ATL3: variants seen among roughly 807,000 people sequenced by gnomAD.
ATL3 encodes atlastin GTPase 3, also known as atlastin-3.
Under a neutral mutation model 69.5 loss-of-function variants are expected in ATL3, and 49 were observed. That is an observed-to-expected ratio of 0.71 (90% CI 0.56 to 0.89). The LOEUF is 0.89. Among genes scored for constraint, ATL3 ranks in the 40% least tolerant of loss-of-function variants. The pLI, the probability that ATL3 is intolerant of heterozygous loss-of-function variation, is 0.00. For missense variants in ATL3, 606 were observed against 645.7 expected (o/e 0.94, Z 0.67); for synonymous variants, 214 against 224.1 (o/e 0.95, Z 0.40).
chr11:63,657,037 C>T (rs1320394200), intron 3 of ATL3, among the ~76,000 whole-genome samples: 1 of 151,792 alleles, frequency 6.6e-6, no homozygotes, highest in Non-Finnish European at 1.5e-5. Flanking sequence ...TTGTGAAACC[C>T]TGTCTCTACT....
chr11:63,639,536 T>C (rs1307026215), intron 8 of ATL3, among the ~76,000 whole-genome samples: 1 of 152,100 alleles, frequency 6.6e-6, no homozygotes, highest in East Asian at 1.9e-4. Context: ...GGAGGATCAC[T>C]TGAGGTCAGG....
At chr11:63,671,446 G>C (rs1283907543), upstream of ATL3, 1 of 1,489,548 alleles carries the variant, frequency 6.7e-7, no homozygotes, top group Non-Finnish European at 8.9e-7. Flanking sequence ...CTGGGCTCTA[G>C]AAAAAACTAG....
At chr11:63,652,158 G>A (rs1428385536) in intron 4 of ATL3, among the ~76,000 whole-genome samples, 172 bp from the exon 5 acceptor site, 2 of 152,124 alleles carry the variant, frequency 1.3e-5, no homozygotes, top group Admixed American at 1.3e-4. Flanking sequence ...ACATAAGATT[G>A]AAATCAAAAA....
chr11:63,644,223 A>G lies in ATL3; in HGVS notation c.657T>C (p.Tyr219=), dbSNP rs759658261. Residue 219 remains tyrosine, a synonymous_variant, in exon 7 of 13, where the codon TAT becomes TAC. Coordinates refer to ENST00000398868, the MANE Select transcript of ATL3 (RefSeq NM_015459.5). Reference sequence around the variant, plus strand: ...CTCCTTGGAGTCCATAGCTATATTCATAAGGGAAACTCCAATCTCTAACCA... The same window carrying G: ...CTCCTTGGAGTCCATAGCTATATTCGTAAGGGAAACTCCAATCTCTAACCA... ...MFLVRDWSFP[Y]EYSYGLQGGM... The G allele has an allele frequency of 1.6e-5, 25 of 1,611,798 alleles. No homozygotes were observed. Among genetic ancestry groups the G allele is most frequent in the Non-Finnish European group, 2.0e-5 (24 of 1,179,018 alleles).
intron 1 of ATL3, among the ~76,000 whole-genome samples, chr11:63,661,682 G>A (rs1316706486): frequency 2.0e-5 from 3 of 151,900 alleles, no homozygotes; most frequent in African/African-American, 7.3e-5. Flanking sequence ...CTGAGGTTGT[G>A]AGTTCCAGAC....
At chr11:63,650,628 T>A (rs1940043973) in intron 5 of ATL3, 1 of 152,208 alleles carries the variant, frequency 6.6e-6, no homozygotes, top group Admixed American at 6.5e-5. Context: ...ATAATCTACT[T>A]ACTACTTCTT....
chr11:63,670,971 C>A (rs1202169343), intron 1 of ATL3, among the ~76,000 whole-genome samples: 1 of 152,132 alleles, frequency 6.6e-6, no homozygotes, highest in Non-Finnish European at 1.5e-5. Flanking sequence ...CGGGGACCAC[C>A]GGCCCTTGGG....
chr11:63,649,986 A>C (rs1488739121), intron 5 of ATL3, among the ~76,000 whole-genome samples: 1 of 152,092 alleles, frequency 6.6e-6, no homozygotes. Flanking sequence ...TGTTCTTGTA[A>C]TTACAGATTT....
intron 10 of ATL3, among the ~76,000 whole-genome samples, chr11:63,635,095 G>A (rs1939470901): frequency 6.6e-6 from 1 of 152,104 alleles, no homozygotes; most frequent in Non-Finnish European, 1.5e-5. Flanking sequence ...CCAGGAGGTG[G>A]AGGTTGCGGT....
rs796863539 is a variant in ATL3, at chr11:63,628,316, G to A, written c.*1003C>T. On this transcript the variant is annotated 3_prime_UTR_variant, in exon 13 of 13. Transcript: ENST00000398868. ...TCTTTTTCTAGAAAGAAGCTATAGG[G>A]ACCAAAAAAAAAAAAAAAATAGAGC... The A allele has an allele frequency of 1.7e-4, 24 of 142,100 alleles. No individual in the cohort carries two copies. Among genetic ancestry groups the A allele is most frequent in the African/African-American group, 5.5e-4 (21 of 37,870 alleles). The allele number at this position is 142,100 out of a possible 1,614,324, so 8.8% of individuals were successfully genotyped here. A position where few individuals can be genotyped will look rare whatever the true frequency, so the allele number is the denominator to read the frequency against.
At chr11:63,630,178 C>T (rs906033474) in intron 12 of ATL3, among the ~76,000 whole-genome samples, 4 of 150,768 alleles carry the variant, frequency 2.7e-5, no homozygotes, top group Non-Finnish European at 4.4e-5. Flanking sequence ...TTTGGGAGGC[C>T]GAGGTGGGTG....
At chr11:63,666,589 A>ACCACATGCC (rs1362293332) in intron 1 of ATL3, among the ~76,000 whole-genome samples, 1 of 147,748 alleles carries the variant, frequency 6.8e-6, no homozygotes, top group East Asian at 2.3e-4. Flanking sequence ...TGGCTCATGC[A>ACCACATGCC]TGTAATCCCA....
chr11:63,637,981 T>A (rs933078402), intron 8 of ATL3, among the ~76,000 whole-genome samples: 3 of 152,230 alleles, frequency 2.0e-5, no homozygotes, highest in African/African-American at 4.8e-5. Flanking sequence ...TAATCCTTTT[T>A]AAAATTTTAA....
chr11:63,654,388 G>C (rs866895111), intron 3 of ATL3, among the ~76,000 whole-genome samples: 6 of 151,474 alleles, frequency 4.0e-5, no homozygotes, highest in Non-Finnish European at 8.8e-5. Flanking sequence ...CTCATGATCC[G>C]CCCGCCTCAG....
chr11:63,662,875 A>G (rs1272487293), intron 1 of ATL3, among the ~76,000 whole-genome samples: 1 of 152,162 alleles, frequency 6.6e-6, no homozygotes. Flanking sequence ...CCCAGCCAAG[A>G]AGTCCATTTA....
chr11:63,634,185 TAAAA>T (rs146288332), intron 10 of ATL3, among the ~76,000 whole-genome samples: 2 of 113,656 alleles, frequency 1.8e-5, no homozygotes, highest in East Asian at 2.6e-4. Flanking sequence ...TGTTTCTATT[TAAAA>T]AAAAAAAAAA....
chr11:63,655,037 T>C (rs2134513926), intron 3 of ATL3, among the ~76,000 whole-genome samples: 1 of 152,324 alleles, frequency 6.6e-6, no homozygotes, highest in South Asian at 2.1e-4. Context: ...TGTAGACTTG[T>C]GGATTTTCCC....
At position 63,643,476 on chromosome 11, in the gene ATL3, T is replaced by C. The variant is rs536310315; in HGVS notation, c.731A>G (p.Glu244Gly). 3 of 1,611,590 alleles carry C rather than the reference T, an allele frequency of 1.9e-6. No homozygotes were observed. The East Asian group carries it at 6.7e-5, about 36-fold the overall frequency. Residue 244 changes from glutamate to glycine, a missense_variant, in exon 8 of 13, where the codon GAA becomes GGA. Transcript: ENST00000398868. ...GTGATTTCGAACATTCTGAATTTCT[T>C]CATGTTGATGTTCCTTCACCTGCCA... ...KRLQVKEHQH[E>G]EIQNVRNHIH... is the part of the protein sequence containing the mutation.
intron 1 of ATL3, among the ~76,000 whole-genome samples, chr11:63,660,854 A>G (rs1309639981): frequency 2.0e-5 from 3 of 152,006 alleles, no homozygotes; most frequent in South Asian, 4.1e-4. Context: ...ATATATATAC[A>G]CATATATATA....
Sources: gnomAD v4.1 joint callset for allele counts (sites outside exome capture counted in the v4.1 genomes callset) on GRCh38, gnomAD v4.1.1 for gene constraint, MANE v1.5 for transcripts, NCBI Gene and HGNC (gene_info 2026-07-23, HGNC 2026-07-21) for gene names.